Variants in IFT43 observed in about 807,000 individuals in gnomAD.
IFT43 encodes the protein intraflagellar transport 43, also known as intraflagellar transport protein 43 homolog.
IFT43 carries 33 observed loss-of-function variants against 32.3 expected under a neutral mutation model. The ratio of observed to expected loss-of-function variants is 1.02; its 90% CI spans 0.77 to 1.37. The LOEUF is 1.37. Ranked by LOEUF, IFT43 falls within the 40% of genes most tolerant of loss-of-function variation. IFT43 has a pLI of 0.00. For synonymous variants in IFT43, 93 were observed against 98.2 expected, an observed-to-expected ratio of 0.95 and a Z score of 0.31; for missense variants, 274 against 265.9, an observed-to-expected ratio of 1.03 and a Z score of -0.21.
chr14:75,989,164 G>A (rs1200091166), intron 2 of IFT43, among the ~76,000 whole-genome samples, 187 bp downstream of exon 2: 1 of 152,096 alleles, frequency 6.6e-6, no homozygotes, highest in South Asian at 2.1e-4. Context: ...TTTTTTCCTT[G>A]ATGCCAGACT....
chr14:76,060,003 C>G (rs1188644420), intron 5 of IFT43, among the ~76,000 whole-genome samples: 1 of 152,132 alleles, frequency 6.6e-6, no homozygotes, highest in Non-Finnish European at 1.5e-5. Flanking sequence ...AACACATGTT[C>G]TTTATCTTTG....
At chr14:76,002,313 A>G (rs753816804) in intron 2 of IFT43, among the ~76,000 whole-genome samples, 1 of 151,868 alleles carries the variant, frequency 6.6e-6, no homozygotes, top group Non-Finnish European at 1.5e-5. Flanking sequence ...ATTTCAACCC[A>G]AGTTTAGAGG....
At chr14:75,986,172 AGGGGAGCCCCGGCC>A (rs1566691144) in intron 1 of IFT43, 2 of 1,336,418 alleles carry the variant, frequency 1.5e-6, no homozygotes, top group African/African-American at 2.9e-5. Flanking sequence ...ACAGGGTGAT[AGGGGAGCCCCGGCC>A]GGGGTCGCAC....
chr14:76,014,004 C>G, intron 2 of IFT43: 1 of 236,396 alleles, frequency 4.2e-6, no homozygotes, highest in East Asian at 9.9e-5. Flanking sequence ...TCCAGGCTGT[C>G]ATAGCACTTG....
chr14:76,012,845 G>A (rs1363328902), intron 2 of IFT43, among the ~76,000 whole-genome samples: 1 of 152,240 alleles, frequency 6.6e-6, no homozygotes, highest in Admixed American at 6.5e-5. Flanking sequence ...TCCAGCTGTT[G>A]TCTTGGGGCT....
At chr14:76,019,981 T>C (rs2036259828) in intron 2 of IFT43, among the ~76,000 whole-genome samples, 1 of 152,122 alleles carries the variant, frequency 6.6e-6, no homozygotes, top group Admixed American at 6.5e-5. Flanking sequence ...TTGTTTGTAC[T>C]CTTTTTTTTT....
rs1468717593 is a variant in IFT43, at chr14:76,083,730, T to G, written c.*153T>G. 7 of 771,812 alleles carry G rather than the reference T, an allele frequency of 9.1e-6. No individual in the cohort carries two copies. Among genetic ancestry groups the G allele is most frequent in the Middle Eastern group, 3.5e-4 (1 of 2,876 alleles). 47.8% of individuals were successfully genotyped at this position (771,812 alleles called of 1,614,324 possible). On this transcript the variant is annotated 3_prime_UTR_variant, in exon 9 of 9. Coordinates refer to ENST00000314067, the MANE Select transcript of IFT43 (RefSeq NM_001102564.3). ...GGATAATTCAATTGCAATAAATTGCTTATTCTGTGCCATCTCCTCCATTTC... is the reference window on the plus strand; with the variant it reads ...GGATAATTCAATTGCAATAAATTGCGTATTCTGTGCCATCTCCTCCATTTC...
intron 3 of IFT43, among the ~76,000 whole-genome samples, chr14:76,051,927 T>C (rs998483230): frequency 2.0e-5 from 3 of 152,184 alleles, no homozygotes; most frequent in Non-Finnish European, 2.9e-5. Flanking sequence ...CAACAAGTTA[T>C]AGTCAGAACC....
chr14:76,014,594 C>T (rs981079456), intron 2 of IFT43, among the ~76,000 whole-genome samples: 3 of 152,192 alleles, frequency 2.0e-5, no homozygotes, highest in African/African-American at 7.2e-5. Context: ...CTGGTTGCTT[C>T]TGGAATGCTT....
At chr14:76,062,938 A>AAAAAAAAAAAAAAAGAAAAAAG (rs1485146040) in intron 5 of IFT43, among the ~76,000 whole-genome samples, 4 of 120,832 alleles carry the variant, frequency 3.3e-5, no homozygotes, top group African/African-American at 3.3e-5. Context: ...AAAAAAAAAA[A>AAAAAAAAAAAAAAAGAAAAAAG]AAAGAAAATA....
intron 7 of IFT43, 127 bp downstream of exon 7, chr14:76,082,819 C>T (rs1473871622): frequency 3.8e-6 from 3 of 779,806 alleles, no homozygotes; most frequent in African/African-American, 1.7e-5. Flanking sequence ...CTGCCTGGCA[C>T]CCATACCTCT....
At chr14:76,082,581 C>A in intron 6 of IFT43, 36 bp from the exon 7 acceptor site, 1 of 1,614,012 alleles carries the variant, frequency 6.2e-7, no homozygotes, top group Non-Finnish European at 8.5e-7. Context: ...CAGGTCCTGC[C>A]TGGGGTTCCC....
intron 1 of IFT43, among the ~76,000 whole-genome samples, chr14:75,987,411 T>G (rs910518582): frequency 2.2e-4 from 33 of 152,154 alleles, no homozygotes; most frequent in Admixed American, 2.2e-3. Flanking sequence ...CCCCTCTCAG[T>G]TTAGTGGGGC....
At chr14:76,037,338 G>A (rs2036619175) in intron 3 of IFT43, among the ~76,000 whole-genome samples, 1 of 152,162 alleles carries the variant, frequency 6.6e-6, no homozygotes, top group African/African-American at 2.4e-5. Context: ...AGTGGGGGCA[G>A]GGCTGTGTGA....
At chr14:76,000,010 G>A (rs2035852622) in intron 2 of IFT43, among the ~76,000 whole-genome samples, 1 of 152,194 alleles carries the variant, frequency 6.6e-6, no homozygotes, top group Non-Finnish European at 1.5e-5. Flanking sequence ...GAGGCGGTTG[G>A]AGCAGTCCTT....
rs149437221 is a variant in IFT43, at chr14:76,061,063, G to A, written c.295+1690G>A. On this transcript the variant is annotated intron_variant, in intron 5 of 8. Transcript: ENST00000314067. ...ACTACAGTCACATGCCACCACACCT[G>A]GCTAATTTGTGTATTTTTAGTAGAG... is the stretch of plus-strand genomic sequence containing the variant. Among the ~76,000 whole-genome samples, 1,194 of 151,918 alleles carry A rather than the reference G, an allele frequency of 7.9e-3. 15 individuals are homozygous for A. The highest frequency in any genetic ancestry group is 0.027 in the African/African-American group (1,130 of 41,418).
chr14:75,999,268 TATA>T (rs2035830732), intron 2 of IFT43, among the ~76,000 whole-genome samples: 3 of 25,496 alleles, frequency 1.2e-4, no homozygotes, highest in African/African-American at 2.2e-4. Context: ...TATATATATA[TATA>T]TGTATATATA....
chr14:76,001,707 G>A (rs931226256), intron 2 of IFT43, among the ~76,000 whole-genome samples: 1 of 152,158 alleles, frequency 6.6e-6, no homozygotes, highest in African/African-American at 2.4e-5. Context: ...AGTAATTTAT[G>A]AACAAACAGA....
chr14:76,026,952 G>A (rs1374305677), intron 3 of IFT43, among the ~76,000 whole-genome samples: 4 of 152,166 alleles, frequency 2.6e-5, no homozygotes, highest in Non-Finnish European at 5.9e-5. Flanking sequence ...GGAGCTGCAG[G>A]CCACTATCCT....
Sources: gnomAD v4.1 joint callset for allele counts (sites outside exome capture counted in the v4.1 genomes callset) on GRCh38, gnomAD v4.1.1 for gene constraint, MANE v1.5 for transcripts, NCBI Gene and HGNC (gene_info 2026-07-23, HGNC 2026-07-21) for gene names.